CACNA1C: variants seen among roughly 807,000 people sequenced by gnomAD.
The protein encoded by CACNA1C is calcium voltage-gated channel subunit alpha1 C.
Under a neutral mutation model 229.0 loss-of-function variants are expected in CACNA1C, and 30 were observed. The observed-to-expected ratio is 0.13, with a 90% CI of 0.10 to 0.18. The LOEUF is 0.18. Ranked by LOEUF, CACNA1C falls within the 10% of genes least tolerant of loss-of-function variation. CACNA1C has a pLI of 1.00. For missense variants in CACNA1C, 1,658 were observed against 2,845.0 expected (o/e 0.58, Z 9.49); for synonymous variants, 1,114 against 1,132.5 (o/e 0.98, Z 0.33).
chr12:2,581,791 G>A lies in CACNA1C; in HGVS notation c.2097G>A (p.Val699=), dbSNP rs1417747343. 2 of 1,594,794 alleles carry A rather than the reference G, an allele frequency of 1.3e-6. No homozygotes were observed. The highest frequency in any genetic ancestry group is 1.1e-5 in the South Asian group (1 of 90,468). Residue 699 remains valine, a synonymous_variant, in exon 14 of 47, where the codon GTG becomes GTA. Transcript: ENST00000399655. ...ACTTCCCCCAGTCCCTCCTCACTGT[G>A]TTTCAGGTATGGACTCTTCTCTGCT... ...FDNFPQSLLT[V]FQILTGEDWN...
At chr12:1,981,953 C>T (rs1316327031) in intron 1 of CACNA1C, among the ~76,000 whole-genome samples, 2 of 152,172 alleles carry the variant, frequency 1.3e-5, no homozygotes, top group African/African-American at 2.4e-5. Context: ...ATTAGGCAAG[C>T]GTGCAAGAGT....
intron 42 of CACNA1C, among the ~76,000 whole-genome samples, chr12:2,681,726 T>C (rs2097156331): frequency 1.3e-5 from 2 of 152,166 alleles, no homozygotes; most frequent in South Asian, 2.1e-4. Flanking sequence ...GAATTGCTTC[T>C]ACCCTGCCTG....
intron 11 of CACNA1C, among the ~76,000 whole-genome samples, chr12:2,565,283 A>AC: frequency 6.6e-6 from 1 of 151,576 alleles, no homozygotes; most frequent in East Asian, 2.0e-4. Context: ...CCTGGCTAAC[A>AC]AGGTGAAACC....
At chr12:2,086,456 C>T (rs754090571) in intron 1 of CACNA1C, among the ~76,000 whole-genome samples, 6 of 152,186 alleles carry the variant, frequency 3.9e-5, no homozygotes, top group Non-Finnish European at 7.3e-5. Context: ...CTAATCTATT[C>T]TAGGCTTGTT....
chr12:2,416,438 A>C (rs886829445), intron 3 of CACNA1C, among the ~76,000 whole-genome samples: 3 of 152,108 alleles, frequency 2.0e-5, no homozygotes, highest in African/African-American at 7.2e-5. Flanking sequence ...GGAAGGAAGG[A>C]GTGGGGGACG....
rs141960686 is a variant in CACNA1C, at chr12:2,272,131, C to G, written c.477+151701C>G. On this transcript the variant is annotated intron_variant, in intron 3 of 46. Coordinates refer to ENST00000399655, the MANE Select transcript of CACNA1C (RefSeq NM_000719.7). ...TTGCTCACAACCCCTCAGTGAGTTG[C>G]TTGTCTGGAGATGCAGGCCAAATCA... 6.6e-3 allele frequency among the ~76,000 whole-genome samples: 1,001 copies of G among 152,282 alleles called. 4 individuals carry two copies. The highest frequency in any genetic ancestry group is 0.011 in the Non-Finnish European group (779 of 68,018).
intron 3 of CACNA1C, among the ~76,000 whole-genome samples, chr12:2,304,908 GC>G (rs2094893308): frequency 6.6e-6 from 1 of 152,192 alleles, no homozygotes; most frequent in Non-Finnish European, 1.5e-5. Flanking sequence ...ATGCCCGGGG[GC>G]TTTATGTTTT....
intron 7 of CACNA1C, among the ~76,000 whole-genome samples, chr12:2,499,668 C>T (rs1034779923): frequency 1.3e-5 from 2 of 152,192 alleles, no homozygotes; most frequent in Admixed American, 1.3e-4. Context: ...GTACTTGGGC[C>T]TGGAGGCCCT....
intron 9 of CACNA1C, among the ~76,000 whole-genome samples, chr12:2,516,249 G>A (rs536386155): frequency 1.6e-4 from 24 of 152,282 alleles, no homozygotes; most frequent in African/African-American, 5.3e-4. Flanking sequence ...TGATGAATCC[G>A]GAGCTGAGGA....
intron 3 of CACNA1C, among the ~76,000 whole-genome samples, chr12:2,305,642 G>A (rs1185624479): frequency 6.6e-6 from 1 of 152,176 alleles, no homozygotes; most frequent in Non-Finnish European, 1.5e-5. Context: ...ACAGGAATTA[G>A]AGACCAGCCT....
At chr12:2,171,010 A>G (rs2096456557) in intron 3 of CACNA1C, among the ~76,000 whole-genome samples, 1 of 152,238 alleles carries the variant, frequency 6.6e-6, no homozygotes, top group East Asian at 1.9e-4. Flanking sequence ...TGGCAGGGAG[A>G]GATGGCCTCA....
At chr12:2,082,892 A>G (rs1239479102) in intron 1 of CACNA1C, among the ~76,000 whole-genome samples, 1 of 150,086 alleles carries the variant, frequency 6.7e-6, no homozygotes, top group Admixed American at 6.7e-5. Flanking sequence ...ATGCACACAC[A>G]TATGTGTACA....
chr12:2,123,537 C>T (rs1055474796), intron 3 of CACNA1C, among the ~76,000 whole-genome samples: 7 of 152,136 alleles, frequency 4.6e-5, no homozygotes, highest in Non-Finnish European at 8.8e-5. Context: ...GGATGTCTTG[C>T]CAATACCTCA....
chr12:2,518,790 T>G (rs1225821503), intron 9 of CACNA1C, among the ~76,000 whole-genome samples: 1 of 152,174 alleles, frequency 6.6e-6, no homozygotes, highest in Non-Finnish European at 1.5e-5. Context: ...CTTGCACTGT[T>G]GAGTGATCAT....
Position 2,034,752 on chromosome 12 carries a change from T to G in CACNA1C, c.139+63551T>G, listed in dbSNP as rs2048800112. Among the ~76,000 whole-genome samples the G allele has an allele frequency of 6.6e-6, 1 of 152,176 alleles. No homozygotes were observed. The highest frequency in any genetic ancestry group is 1.5e-5 in the Non-Finnish European group (1 of 68,036). On this transcript the variant is annotated intron_variant, in intron 1 of 46. Coordinates refer to the CACNA1C transcript ENST00000682462. The surrounding 1 kb of genome is among the most constrained non-coding windows in gnomAD (Gnocchi z 4.1). ...AAAAAACACCTTTCGGAGTGCCTCC[T>G]TCGTGCCAGGCTCTGCAGATATAGC...
At chr12:2,572,467 TTCCTCCTTCTCCTCTTCC>T (rs1307765808) in intron 13 of CACNA1C, among the ~76,000 whole-genome samples, 3 of 37,834 alleles carry the variant, frequency 7.9e-5, no homozygotes, top group Admixed American at 4.2e-4. Context: ...CCTCCTCCTC[TTCCTCCTTCTCCTCTTCC>T]TCCTCCTCCT....
At chr12:2,500,442 A>G (rs1478684141) in intron 7 of CACNA1C, among the ~76,000 whole-genome samples, 4 of 152,210 alleles carry the variant, frequency 2.6e-5, no homozygotes, top group South Asian at 4.1e-4. Flanking sequence ...GTGAGGTTAA[A>G]TGTTCACAAA....
chr12:1,988,091 C>T (rs1006441071), intron 1 of CACNA1C, among the ~76,000 whole-genome samples: 18 of 152,202 alleles, frequency 1.2e-4, no homozygotes, highest in African/African-American at 3.4e-4. Context: ...AGATTCCCTT[C>T]TTCCTGGATG....
intron 3 of CACNA1C, among the ~76,000 whole-genome samples, chr12:2,276,382 A>C (rs1158235149): frequency 1.3e-5 from 2 of 152,244 alleles, no homozygotes; most frequent in Admixed American, 6.5e-5. Flanking sequence ...GAAGTAAGTC[A>C]GGGATTACCA....
Sources: gnomAD v4.1 joint callset for allele counts (sites outside exome capture counted in the v4.1 genomes callset) on GRCh38, gnomAD v4.1.1 for gene constraint, Gnocchi (gnomAD v3.1) non-coding constraint, MANE v1.5 for transcripts, NCBI Gene and HGNC (gene_info 2026-07-23, HGNC 2026-07-21) for gene names.